Variants in CADM2 observed in about 807,000 individuals in gnomAD.
CADM2 encodes immunoglobulin superfamily member 4D.
A neutral mutation model predicts 49.8 loss-of-function variants in CADM2; 12 were observed. The ratio of observed to expected loss-of-function variants is 0.24; its 90% CI spans 0.15 to 0.39. The LOEUF (loss-of-function observed/expected upper bound fraction) is 0.39, where lower values mean the gene tolerates loss of function less well. CADM2 is among the 10% of genes least tolerant of loss of function. The pLI is 1.00. For synonymous variants in CADM2, 214 were observed against 175.4 expected (o/e 1.22, Z -1.74); for missense variants, 378 against 492.3 (o/e 0.77, Z 2.20).
At chr3:85,796,364 C>T (rs1189945111) in intron 2 of CADM2, among the ~76,000 whole-genome samples, 1 of 152,140 alleles carries the variant, frequency 6.6e-6, no homozygotes, top group Non-Finnish European at 1.5e-5. Context: ...CACCTCACTT[C>T]ACAAGATTGA....
At chr3:85,649,678 C>G (rs948636427) in intron 1 of CADM2, among the ~76,000 whole-genome samples, 1 of 152,166 alleles carries the variant, frequency 6.6e-6, no homozygotes, top group Non-Finnish European at 1.5e-5. Context: ...CAGGACTTCT[C>G]TTAAACGCAA....
In CADM2 at chr3:85,198,554, C is replaced by A. The variant is rs542779400; in HGVS notation, c.61+238886C>A. Reference sequence around the variant, plus strand: ...CACAGAAGCAGTTTCTCTTGGCTAACTTTATATGATAAACTACAAGCAGGA... The same window carrying A: ...CACAGAAGCAGTTTCTCTTGGCTAAATTTATATGATAAACTACAAGCAGGA... On this transcript the variant is annotated intron_variant, in intron 1 of 9. Coordinates refer to ENST00000383699, the MANE Select transcript of CADM2 (RefSeq NM_001167675.2). 1.5e-4 allele frequency among the ~76,000 whole-genome samples: 23 copies of A among 151,754 alleles called. No homozygotes were observed. In the South Asian group the frequency reaches 2.5e-3, roughly 16 times the overall value.
intron 1 of CADM2, among the ~76,000 whole-genome samples, chr3:85,321,116 A>ATATAT (rs2044596196): frequency 5.5e-4 from 15 of 27,494 alleles, no homozygotes; most frequent in East Asian, 3.3e-3. Context: ...ATATATATAT[A>ATATAT]TTTTTTTTTT....
intron 1 of CADM2, among the ~76,000 whole-genome samples, chr3:85,291,412 C>A (rs981322732): frequency 1.3e-4 from 19 of 150,234 alleles, no homozygotes; most frequent in Non-Finnish European, 1.9e-4. Context: ...GGCAGGCCAA[C>A]GTTCAGATTC....
chr3:85,875,868 T>C (rs1577537644), intron 3 of CADM2, among the ~76,000 whole-genome samples: 2 of 152,226 alleles, frequency 1.3e-5, no homozygotes, highest in East Asian at 1.9e-4. Flanking sequence ...GACAGCAAAA[T>C]AAAATTCAAT....
intron 1 of CADM2, among the ~76,000 whole-genome samples, chr3:84,980,178 C>G (rs1194538889): frequency 2.0e-5 from 3 of 152,180 alleles, no homozygotes; most frequent in Admixed American, 6.5e-5. Context: ...GACTAATTCA[C>G]CGACAGCCCC....
At chr3:85,063,804 A>G (rs2107452754) in intron 1 of CADM2, among the ~76,000 whole-genome samples, 1 of 152,186 alleles carries the variant, frequency 6.6e-6, no homozygotes, top group Non-Finnish European at 1.5e-5. Flanking sequence ...CTTAAAATAA[A>G]TACTGGGGGT....
intron 1 of CADM2, among the ~76,000 whole-genome samples, chr3:85,387,655 AATTTCAG>A (rs2034305162): frequency 6.6e-6 from 1 of 152,178 alleles, no homozygotes; most frequent in East Asian, 1.9e-4. Flanking sequence ...GAAATATACT[AATTTCAG>A]ATTTCAGATT....
chr3:85,722,906 A>G (rs2067559903), intron 1 of CADM2, among the ~76,000 whole-genome samples: 1 of 152,188 alleles, frequency 6.6e-6, no homozygotes, highest in Admixed American at 6.5e-5. Flanking sequence ...AAATAGCCAG[A>G]CAAGTGTCTA....
chr3:85,326,665 A>AC (rs2044760036), intron 1 of CADM2, among the ~76,000 whole-genome samples: 1 of 152,166 alleles, frequency 6.6e-6, no homozygotes, highest in African/African-American at 2.4e-5. Context: ...AGCCATTTTC[A>AC]ATTGTAAAAG....
chr3:84,961,553 A>G (rs1313787599), intron 1 of CADM2, among the ~76,000 whole-genome samples: 1 of 152,068 alleles, frequency 6.6e-6, no homozygotes, highest in Non-Finnish European at 1.5e-5. Context: ...ATCCGCGCTG[A>G]GACAATCTCA....
chr3:85,565,000 C>A (rs2062212938), intron 1 of CADM2, among the ~76,000 whole-genome samples: 1 of 152,034 alleles, frequency 6.6e-6, no homozygotes, highest in Non-Finnish European at 1.5e-5. Flanking sequence ...TTATGCAAAT[C>A]AGAGGTACAT....
intron 1 of CADM2, among the ~76,000 whole-genome samples, chr3:85,537,794 G>A (rs942608517): frequency 6.6e-6 from 1 of 151,982 alleles, no homozygotes; most frequent in African/African-American, 2.4e-5. Flanking sequence ...GTAAAATAAT[G>A]CTAGTTACTG....
intron 2 of CADM2, among the ~76,000 whole-genome samples, chr3:85,750,672 G>C (rs2068822615): frequency 6.6e-6 from 1 of 151,988 alleles, no homozygotes; most frequent in African/African-American, 2.4e-5. Flanking sequence ...AAATGAGTAA[G>C]AAATATATCA....
chr3:85,982,981 A>G (rs1394952375), intron 8 of CADM2, among the ~76,000 whole-genome samples: 1 of 151,706 alleles, frequency 6.6e-6, no homozygotes, highest in African/African-American at 2.4e-5. Context: ...CAAATTTCAT[A>G]AACTATAGCA....
intron 1 of CADM2, among the ~76,000 whole-genome samples, chr3:85,473,626 A>G (rs2038858706): frequency 6.6e-6 from 1 of 152,070 alleles, no homozygotes; most frequent in African/African-American, 2.4e-5. Context: ...CAAATGTTGG[A>G]GGAACTAGAA....
At chr3:85,701,419 A>G (rs1470147111) in intron 1 of CADM2, among the ~76,000 whole-genome samples, 1 of 152,188 alleles carries the variant, frequency 6.6e-6, no homozygotes. Context: ...TAGATGTCAC[A>G]TACTTGTCCA....
intron 1 of CADM2, among the ~76,000 whole-genome samples, chr3:85,381,092 C>T (rs192326424): frequency 1.3e-3 from 191 of 151,830 alleles, no homozygotes; most frequent in Admixed American, 2.1e-3. Flanking sequence ...GTATTTTATC[C>T]GATATATGAA....
intron 6 of CADM2, among the ~76,000 whole-genome samples, chr3:85,915,308 A>G (rs1718138102): frequency 6.6e-6 from 1 of 152,146 alleles, no homozygotes; most frequent in South Asian, 2.1e-4. Flanking sequence ...ATAGCATCTC[A>G]TTCTATCATG....
Sources: allele counts gnomAD v4.1 joint callset (sites outside exome capture counted in the v4.1 genomes callset), GRCh38; gene constraint gnomAD v4.1.1; transcripts MANE v1.5; gene names NCBI Gene and HGNC (gene_info 2026-07-23, HGNC 2026-07-21).